BBS4: variants seen among roughly 807,000 people sequenced by gnomAD.
BBS4 encodes Bardet-Biedl syndrome 4.
BBS4 carries 58 observed loss-of-function variants against 71.4 expected under a neutral mutation model. The observed-to-expected ratio is 0.81, with a 90% CI of 0.66 to 1.01. The LOEUF (loss-of-function observed/expected upper bound fraction) is 1.01, where lower values mean the gene tolerates loss of function less well. Among genes scored for constraint, BBS4 ranks in the 50% least tolerant of loss-of-function variants. The pLI is 0.00. For missense variants in BBS4, 660 were observed against 607.9 expected, an observed-to-expected ratio of 1.09 and a Z score of -0.90; for synonymous variants, 228 against 216.8, an observed-to-expected ratio of 1.05 and a Z score of -0.46.
chr15:72,712,535 A>G (rs2065393204), intron 4 of BBS4, among the ~76,000 whole-genome samples: 1 of 152,234 alleles, frequency 6.6e-6, no homozygotes, highest in African/African-American at 2.4e-5. Context: ...TACACATGAT[A>G]TAGTCTGTTG....
intron 2 of BBS4, among the ~76,000 whole-genome samples, chr15:72,709,423 A>C (rs1183604186): frequency 6.6e-6 from 1 of 152,168 alleles, no homozygotes; most frequent in Non-Finnish European, 1.5e-5. Flanking sequence ...ACGAAGGATG[A>C]TTTTATGTTT....
intron 2 of BBS4, among the ~76,000 whole-genome samples, chr15:72,703,110 C>T (rs1019918743): frequency 4.6e-5 from 7 of 151,990 alleles, no homozygotes; most frequent in East Asian, 1.9e-4. Context: ...CGCGCCCGGC[C>T]GAGGAGCTGA....
Position 72,687,935 on chromosome 15 carries a change from A to G in BBS4, c.24+1684A>G, listed in dbSNP as rs377026659. Among the ~76,000 whole-genome samples, 1,226 of 135,502 alleles carry G rather than the reference A, an allele frequency of 9.0e-3. 12 individuals carry two copies. The highest frequency in any genetic ancestry group is 0.032 in the African/African-American group (1,172 of 37,132). The allele number at this position is 135,502 out of a possible 152,430, so 88.9% of individuals were successfully genotyped here. On this transcript the variant is annotated intron_variant, in intron 1 of 15. Coordinates refer to ENST00000268057, the MANE Select transcript of BBS4 (RefSeq NM_033028.5). ...CATCCAGAGCAAAACTCCGTCTCAG[A>G]AAAAAAAAAAAAGTAAATAGCATGG... is the stretch of plus-strand genomic sequence containing the variant.
At chr15:72,704,566 A>G (rs761957117) in intron 2 of BBS4, 1 of 704,326 alleles carries the variant, frequency 1.4e-6, no homozygotes, top group Non-Finnish European at 2.1e-6. Flanking sequence ...GATGATAAGT[A>G]GATAATAATG....
rs59816410 is a variant in BBS4, at chr15:72,702,802, C to CTTTTTTTTTTTTTTTTTTTTTTTT, written c.77-6875_77-6874insTTTTTTTTTTTTTTTTTTTTTTTT. ...TTTTTGGTATAGTGAGGAGCTGACT[C>CTTTTTTTTTTTTTTTTTTTTTTTT]TTTTTTTTTTTTTTTTTTTTTTTGA... is the stretch of plus-strand genomic sequence containing the variant. On this transcript the variant is annotated intron_variant, in intron 2 of 15. Coordinates refer to ENST00000268057, the MANE Select transcript of BBS4 (RefSeq NM_033028.5). Among the ~76,000 whole-genome samples, 18 of 73,494 alleles carry CTTTTTTTTTTTTTTTTTTTTTTTT rather than the reference C, an allele frequency of 2.4e-4. 3 individuals carry two copies. In the East Asian group the frequency reaches 2.5e-3, roughly 10 times the overall value. The allele number at this position is 73,494 out of a possible 152,430, so 48.2% of individuals were successfully genotyped here.
intron 8 of BBS4, 28 bp from the exon 9 acceptor site, chr15:72,727,911 GT>G: frequency 6.4e-7 from 1 of 1,572,068 alleles, no homozygotes; most frequent in Non-Finnish European, 8.8e-7. Context: ...TCTACATCTT[GT>G]TTCCCTCTGA....
chr15:72,727,353 TGTGA>T (rs1192163118), intron 8 of BBS4, among the ~76,000 whole-genome samples: 2 of 152,356 alleles, frequency 1.3e-5, no homozygotes, highest in South Asian at 2.1e-4. Flanking sequence ...CAATCCCTGA[TGTGA>T]GTATTTTACT....
intron 13 of BBS4, 46 bp from the exon 14 acceptor site, chr15:72,735,779 A>G: frequency 6.2e-7 from 1 of 1,613,174 alleles, no homozygotes; most frequent in Middle Eastern, 1.7e-4. Flanking sequence ...CTAAATGACC[A>G]TTTGTTGCAG....
In BBS4 at chr15:72,725,850, C is replaced by T. The variant is rs1452197820; in HGVS notation, c.587+1195C>T. Reference sequence around the variant, plus strand: ...TTCCCCATCCCCCTTTCCCCATCCCCCTTTCCCCATCCCCCTTTCCCCATC... The same window carrying T: ...TTCCCCATCCCCCTTTCCCCATCCCTCTTTCCCCATCCCCCTTTCCCCATC... On this transcript the variant is annotated intron_variant, in intron 8 of 15. Coordinates refer to ENST00000268057, the MANE Select transcript of BBS4 (RefSeq NM_033028.5). Among the ~76,000 whole-genome samples, 14 of 4,878 alleles carry T rather than the reference C, an allele frequency of 2.9e-3. 3 individuals are homozygous for T. Among genetic ancestry groups the T allele is most frequent in the African/African-American group, 0.012 (14 of 1,186 alleles). 3.2% of individuals were successfully genotyped at this position (4,878 alleles called of 152,430 possible). A position where few individuals can be genotyped will look rare whatever the true frequency, so the allele number is the denominator to read the frequency against.
At chr15:72,726,175 G>C (rs371829726) in intron 8 of BBS4, among the ~76,000 whole-genome samples, 1 of 150,802 alleles carries the variant, frequency 6.6e-6, no homozygotes, top group Non-Finnish European at 1.5e-5. Context: ...GCAGTGGCGC[G>C]ATCTCGCCTC....
rs1419924139 is a variant in BBS4 at position 72,735,967 on chromosome 15, G to A, written c.1248+1G>A. On this transcript the variant is annotated splice_donor_variant, in intron 14 of 15. Transcript: ENST00000268057. LOFTEE classifies it high-confidence loss of function. Reference sequence around the variant, plus strand: ...TAGCTCTCTGGAATTTGACTCTGAGGTATGTCTTTTATTAGCTCCCAAGAG... The same window carrying A: ...TAGCTCTCTGGAATTTGACTCTGAGATATGTCTTTTATTAGCTCCCAAGAG... The A allele has an allele frequency of 1.1e-5, 17 of 1,614,042 alleles. No individual in the cohort carries two copies. The highest frequency in any genetic ancestry group is 1.3e-5 in the Non-Finnish European group (15 of 1,180,004).
chr15:72,713,337 A>ACACACACACACACACACG (rs2065410167), intron 4 of BBS4, among the ~76,000 whole-genome samples: 1 of 118,686 alleles, frequency 8.4e-6, no homozygotes, highest in Non-Finnish European at 1.8e-5. Flanking sequence ...ACACACACAC[A>ACACACACACACACACACG]CACACACACA....
intron 2 of BBS4, among the ~76,000 whole-genome samples, chr15:72,701,168 C>G (rs1469716153): frequency 1.3e-5 from 2 of 152,166 alleles, no homozygotes; most frequent in Non-Finnish European, 1.5e-5. Flanking sequence ...TAACTTCTAT[C>G]TTCTACATCA....
At position 72,738,115 on chromosome 15, in the gene BBS4, G is replaced by A. The variant is rs1249049819; in HGVS notation, c.*528G>A. The A allele has an allele frequency of 2.2e-6, 1 of 452,746 alleles. No homozygotes were observed. The highest frequency in any genetic ancestry group is 4.4e-6 in the Non-Finnish European group (1 of 226,544). The allele number at this position is 452,746 out of a possible 1,614,324, so 28.0% of individuals were successfully genotyped here. ...TTAAAAGAAAAAAAACAAAAGCCCT[G>A]GAAGTTGAGGCCAAGCCTGCTGAGT... On this transcript the variant is annotated 3_prime_UTR_variant, in exon 16 of 16. Coordinates refer to ENST00000268057, the MANE Select transcript of BBS4 (RefSeq NM_033028.5).
chr15:72,713,973 C>A (rs1295500441), intron 4 of BBS4, among the ~76,000 whole-genome samples: 2 of 152,096 alleles, frequency 1.3e-5, no homozygotes, highest in Non-Finnish European at 2.9e-5. Context: ...GCTATGATTA[C>A]CCATTTTTTA....
At chr15:72,686,308 T>C in intron 1 of BBS4, 57 bp downstream of exon 1, 1 of 1,550,194 alleles carries the variant, frequency 6.5e-7, no homozygotes, top group Non-Finnish European at 8.7e-7. Flanking sequence ...AGCTGGCGGG[T>C]GGCTTTTGTC....
Position 72,709,755 on chromosome 15 carries a change from C to G in BBS4, c.132C>G (p.Ile44Met). Residue 44 changes from isoleucine to methionine, a missense_variant, in exon 3 of 16, where the codon ATC becomes ATG. By Grantham distance (10) the Ile-to-Met change is conservative. Transcript: ENST00000268057. The part of the protein sequence containing the change: ...KQNWLIHLHY[I>M]RKDYEACKAV... ...ACTGGTTGATTCATCTTCATTATAT[C>G]CGGAAAGATTATGAAGCCTGCAAGG... The G allele has an allele frequency of 6.2e-7, 1 of 1,613,622 alleles. No homozygotes were observed.
At chr15:72,729,073 T>C (rs1045093607) in intron 9 of BBS4, among the ~76,000 whole-genome samples, 5 of 151,998 alleles carry the variant, frequency 3.3e-5, no homozygotes, top group Non-Finnish European at 7.4e-5. Context: ...ACTTTGACCT[T>C]ATCAGGTGAC....
At chr15:72,718,123 A>G (rs2065500477) in intron 6 of BBS4, among the ~76,000 whole-genome samples, 1 of 152,226 alleles carries the variant, frequency 6.6e-6, no homozygotes, top group African/African-American at 2.4e-5. Context: ...TGTTGGGATT[A>G]TAGGTGTGAG....
Sources: allele counts gnomAD v4.1 joint callset (sites outside exome capture counted in the v4.1 genomes callset), GRCh38; gene constraint gnomAD v4.1.1; transcripts MANE v1.5; gene names NCBI Gene and HGNC (gene_info 2026-07-23, HGNC 2026-07-21).